Variants in BEND4 observed in about 807,000 individuals in gnomAD.
The protein encoded by BEND4 is BEN domain-containing protein 4.
Under a neutral mutation model 54.7 loss-of-function variants are expected in BEND4, and 27 were observed. The observed-to-expected ratio is 0.49, with a 90% CI of 0.36 to 0.68. The LOEUF (loss-of-function observed/expected upper bound fraction) is 0.68. Ranked by LOEUF, BEND4 falls within the 30% of genes least tolerant of loss-of-function variation. The pLI is 0.00. For missense variants in BEND4, 702 were observed against 697.2 expected (o/e 1.01, Z -0.08); for synonymous variants, 327 against 299.5 (o/e 1.09, Z -0.95).
rs1397757302 is a variant in BEND4, at chr4:42,111,003, A to G, written c.*6515T>C. ...ACAGAACACGTGGCATTCTAGAGGT[A>G]TATGAGGTAATAAAATCAACACTCC... On this transcript the variant is annotated 3_prime_UTR_variant, in exon 6 of 6. Coordinates refer to ENST00000502486, the MANE Select transcript of BEND4 (RefSeq NM_207406.4). 6.6e-6 allele frequency: 1 copy of G among 152,236 alleles called. No homozygotes were observed. Among genetic ancestry groups the G allele is most frequent in the East Asian group, 1.9e-4 (1 of 5,202 alleles). 9.4% of individuals were successfully genotyped at this position (152,236 alleles called of 1,614,324 possible).
intron 2 of BEND4, among the ~76,000 whole-genome samples, chr4:42,149,592 CA>C (rs1427631168): frequency 6.6e-6 from 1 of 151,908 alleles, no homozygotes; most frequent in African/African-American, 2.4e-5. Flanking sequence ...CGAAGGGCAT[CA>C]AAAAAGCCCC....
intron 3 of BEND4, among the ~76,000 whole-genome samples, chr4:42,134,777 C>G (rs1259368738): frequency 6.6e-6 from 1 of 152,134 alleles, no homozygotes; most frequent in African/African-American, 2.4e-5. Context: ...AGGAGTTTCT[C>G]AAGTGGAGAG....
intron 4 of BEND4, among the ~76,000 whole-genome samples, chr4:42,123,526 GC>G (rs1720141544): frequency 6.6e-6 from 1 of 151,834 alleles, no homozygotes; most frequent in African/African-American, 2.4e-5. Context: ...ACTGCTTTGT[GC>G]CACACAGGCA....
In BEND4 at chr4:42,117,267, T is replaced by A. The variant is rs945351737; in HGVS notation, c.*251A>T. 1.4e-5 allele frequency: 5 copies of A among 346,178 alleles called. No homozygotes were observed. Among genetic ancestry groups the A allele is most frequent in the African/African-American group, 1.1e-4 (5 of 46,728 alleles). The allele number at this position is 346,178 out of a possible 1,614,324, so 21.4% of individuals were successfully genotyped here. On this transcript the variant is annotated 3_prime_UTR_variant, in exon 6 of 6. Coordinates refer to ENST00000502486, the MANE Select transcript of BEND4 (RefSeq NM_207406.4). The stretch of plus-strand genomic sequence containing the variant: ...CTCACCTATTTTTTCACCCTCATGA[T>A]CTAGCTAGTAATCATTTAAAAATCA...
intron 2 of BEND4, among the ~76,000 whole-genome samples, chr4:42,147,875 A>C (rs1721132240): frequency 6.6e-6 from 1 of 152,162 alleles, no homozygotes; most frequent in Admixed American, 6.5e-5. Context: ...TCCCTACTTT[A>C]CCGCCCCTCT....
rs567526737 is a variant in BEND4, at chr4:42,148,678, G to C, written c.487+2979C>G. ...ATCAGTTGAAGAAGATAAAATATCTGCCTGACTCAAAAGCTTGACAGTCAG... is the reference window on the plus strand; with the variant it reads ...ATCAGTTGAAGAAGATAAAATATCTCCCTGACTCAAAAGCTTGACAGTCAG... On this transcript the variant is annotated intron_variant, in intron 2 of 5. Transcript: ENST00000502486. Among the ~76,000 whole-genome samples the C allele has an allele frequency of 4.6e-5, 7 of 152,316 alleles. No homozygotes were observed. The South Asian group carries it at 1.5e-3, about 32-fold the overall frequency.
intron 2 of BEND4, chr4:42,151,215 A>G (rs1250416655): frequency 1.3e-5 from 2 of 155,184 alleles, no homozygotes; most frequent in Non-Finnish European, 2.9e-5. Flanking sequence ...AAGTGGAGAG[A>G]AGAAGAAACA....
chr4:42,131,230 A>G (rs1011302061), intron 3 of BEND4, among the ~76,000 whole-genome samples: 1 of 152,206 alleles, frequency 6.6e-6, no homozygotes, highest in Non-Finnish European at 1.5e-5. Flanking sequence ...TAAAATATAT[A>G]AAATAAAATA....
chr4:42,152,131 T>G lies in BEND4; in HGVS notation c.13A>C (p.Met5Leu). Residue 5 changes from methionine (M) to leucine (L), a missense_variant, in exon 2 of 6, where the codon ATG becomes CTG. Physicochemically the swap from Met to Leu is conservative, Grantham distance 15. Coordinates refer to ENST00000502486, the MANE Select transcript of BEND4 (RefSeq NM_207406.4). ...CTGGGCCCCTCCTCTGCCGGCTGCA[T>G]CTCTTCCTCCATCCGGCGCCTCGGG... The part of the protein sequence containing the change: MEEE[M>L]QPAEEGPSVP... The G allele has an allele frequency of 8.0e-7, 1 of 1,244,946 alleles. No homozygotes were observed. The highest frequency in any genetic ancestry group is 1.0e-6 in the Non-Finnish European group (1 of 985,918). The allele number at this position is 1,244,946 out of a possible 1,614,324, so 77.1% of individuals were successfully genotyped here. A position where few individuals can be genotyped will look rare whatever the true frequency, so the allele number is the denominator to read the frequency against.
intron 3 of BEND4, among the ~76,000 whole-genome samples, chr4:42,138,002 A>G (rs1163198604): frequency 6.6e-6 from 1 of 152,218 alleles, no homozygotes; most frequent in Non-Finnish European, 1.5e-5. Flanking sequence ...GTGGGAATGT[A>G]GAATGGTACA....
chr4:42,112,840 A>G lies in BEND4; in HGVS notation c.*4678T>C, dbSNP rs529201030. 1 of 146,656 alleles carries G rather than the reference A, an allele frequency of 6.8e-6. No individual in the cohort carries two copies. The highest frequency in any genetic ancestry group is 2.2e-4 in the South Asian group (1 of 4,648). The allele number at this position is 146,656 out of a possible 1,614,324, so 9.1% of individuals were successfully genotyped here. A position where few individuals can be genotyped will look rare whatever the true frequency, so the allele number is the denominator to read the frequency against. On this transcript the variant is annotated 3_prime_UTR_variant, in exon 6 of 6. Transcript: ENST00000502486. ...TGATGTCAATTCTTCACTCTCCTCT[A>G]AAAAAAAAACAAAAACCCAACATAA...
At chr4:42,139,578 A>G (rs1400937532) in intron 3 of BEND4, among the ~76,000 whole-genome samples, 6 of 151,198 alleles carry the variant, frequency 4.0e-5, no homozygotes, top group Non-Finnish European at 5.9e-5. Flanking sequence ...CCAGGTATAA[A>G]GGCTTTATTT....
chr4:42,141,685 G>A (rs1720886250), intron 3 of BEND4, among the ~76,000 whole-genome samples: 1 of 152,166 alleles, frequency 6.6e-6, no homozygotes, highest in Non-Finnish European at 1.5e-5. Flanking sequence ...AAGCTGCAGT[G>A]AGCCAAGACG....
rs964365213 is a variant in BEND4 at position 42,112,592 on chromosome 4, C to T, written c.*4926G>A. ...AATTGTGAGGAAAATTAATCCGGTC[C>T]CCATTACTGCAAATACTTGGTAATT... On this transcript the variant is annotated 3_prime_UTR_variant, in exon 6 of 6. Transcript: ENST00000502486. 4 of 152,072 alleles carry T rather than the reference C, an allele frequency of 2.6e-5. No individual in the cohort carries two copies. The highest frequency in any genetic ancestry group is 1.3e-4 in the Admixed American group (2 of 15,272). The allele number at this position is 152,072 out of a possible 1,614,324, so 9.4% of individuals were successfully genotyped here.
intron 3 of BEND4, among the ~76,000 whole-genome samples, chr4:42,135,059 T>C (rs1256230275): frequency 6.6e-6 from 1 of 152,060 alleles, no homozygotes; most frequent in Non-Finnish European, 1.5e-5. Flanking sequence ...CCTGGGGCTG[T>C]TTGGGGGAGA....
intron 2 of BEND4, among the ~76,000 whole-genome samples, chr4:42,147,177 A>AT (rs1721106835): frequency 6.6e-6 from 1 of 152,072 alleles, no homozygotes; most frequent in South Asian, 2.1e-4. Flanking sequence ...TTAGAGTAGA[A>AT]TTTTTTCTCT....
chr4:42,143,347 G>A (rs1468657074), intron 3 of BEND4, 81 bp downstream of exon 3: 2 of 1,229,146 alleles, frequency 1.6e-6, no homozygotes, highest in Admixed American at 2.0e-5. Flanking sequence ...ACACATACAT[G>A]AGTACAGAAA....
chr4:42,147,183 T>C (rs549650418), intron 2 of BEND4, among the ~76,000 whole-genome samples: 25 of 152,172 alleles, frequency 1.6e-4, no homozygotes, highest in Non-Finnish European at 3.1e-4. Context: ...TAGAATTTTT[T>C]CTCTTTTCAT....
rs181484188 is a variant in BEND4, at chr4:42,113,836, C to T, written c.*3682G>A. The T allele has an allele frequency of 7.3e-4, 111 of 152,186 alleles. 1 individual carries two copies. Among genetic ancestry groups the T allele is most frequent in the Admixed American group, 7.3e-3 (111 of 15,288 alleles). 9.4% of individuals were successfully genotyped at this position (152,186 alleles called of 1,614,324 possible). On this transcript the variant is annotated 3_prime_UTR_variant, in exon 6 of 6. Transcript: ENST00000502486. ...AGTAGCTACAAATATGTCTCGAATC[C>T]CCTACAAAAGGAGATAACAATTTTC...
Sources: gnomAD v4.1 joint callset for allele counts (sites outside exome capture counted in the v4.1 genomes callset) on GRCh38, gnomAD v4.1.1 for gene constraint, MANE v1.5 for transcripts, NCBI Gene and HGNC (gene_info 2026-07-23, HGNC 2026-07-21) for gene names.